Variants in IL17RA observed in about 807,000 individuals in gnomAD.
IL17RA encodes the protein interleukin 17 receptor A.
In IL17RA, 34 loss-of-function variants were observed where a neutral mutation model predicts 50.4. That is an observed-to-expected ratio of 0.67 (90% CI 0.51 to 0.90). The LOEUF is 0.90. Ranked by LOEUF, IL17RA falls within the 40% of genes least tolerant of loss-of-function variation. The pLI is 0.00. For synonymous variants in IL17RA, 585 were observed against 510.4 expected, an observed-to-expected ratio of 1.15 and a Z score of -1.97; for missense variants, 1,276 against 1,169.8, an observed-to-expected ratio of 1.09 and a Z score of -1.32.
At chr22:17,106,625 T>C (rs2241048) in intron 11 of IL17RA, among the ~76,000 whole-genome samples, 124,772 of 152,208 alleles carry the variant, frequency 0.82, 51,464 homozygotes, top group African/African-American at 0.91. Flanking sequence ...CGGTTGGGGC[T>C]TCAGCCCTTG....
At chr22:17,098,271 A>T (rs1468172679) in intron 3 of IL17RA, among the ~76,000 whole-genome samples, 2 of 152,226 alleles carry the variant, frequency 1.3e-5, no homozygotes, top group African/African-American at 4.8e-5. Context: ...ACATTTGTCA[A>T]CCTGTTCCCT....
At chr22:17,104,285 C>G in intron 8 of IL17RA, among the ~76,000 whole-genome samples, 1 of 73,542 alleles carries the variant, frequency 1.4e-5, no homozygotes, top group African/African-American at 5.7e-5. Flanking sequence ...TGTGGTGTGG[C>G]TGGAGTGGGG....
chr22:17,092,059 C>T (rs1004585491), intron 1 of IL17RA, among the ~76,000 whole-genome samples: 4 of 152,094 alleles, frequency 2.6e-5, no homozygotes, highest in African/African-American at 4.8e-5. Flanking sequence ...ACGTTTAGCC[C>T]CACCCCTTTA....
rs1255358518 is a variant in IL17RA at position 17,114,323 on chromosome 22, G to T, written c.*4503G>T. 1 of 152,240 alleles carries T rather than the reference G, an allele frequency of 6.6e-6. No homozygotes were observed. Among genetic ancestry groups the T allele is most frequent in the Non-Finnish European group, 1.5e-5 (1 of 68,124 alleles). 9.4% of individuals were successfully genotyped at this position (152,240 alleles called of 1,614,324 possible). On this transcript the variant is annotated 3_prime_UTR_variant, in exon 13 of 13. Transcript: ENST00000319363. ...ATCGCCTCTCCCAGATCCTAGCACT[G>T]GGTCCACACTCTCGCCCTGTCCATT...
chr22:17,097,175 C>A, intron 2 of IL17RA, 89 bp downstream of exon 2: 1 of 1,281,176 alleles, frequency 7.8e-7, no homozygotes, highest in Non-Finnish European at 1.1e-6. Context: ...CTTGCCATGC[C>A]ACTCCAGGTT....
In IL17RA at chr22:17,109,432, ACCT is replaced by A. The variant is rs759229877; in HGVS notation, c.2217_2219del (p.Leu740del). ...AGCAGCACCCCCATGGCGTCTCCTG[ACCT>A]CCTTCCAGAGGACGTGAGGGAGCAC... On this transcript the variant is annotated inframe_deletion, in exon 13 of 13. Coordinates refer to ENST00000319363, the MANE Select transcript of IL17RA (RefSeq NM_014339.7). 50 of 1,613,236 alleles carry A rather than the reference ACCT, an allele frequency of 3.1e-5. No individual in the cohort carries two copies. Among genetic ancestry groups the A allele is most frequent in the Non-Finnish European group, 3.9e-5 (46 of 1,179,940 alleles).
Position 17,114,509 on chromosome 22 carries a change from TATAAG to T in IL17RA, c.*4692_*4696del, listed in dbSNP as rs1455096923. 6.6e-6 allele frequency: 1 copy of T among 152,200 alleles called. No homozygotes were observed. The highest frequency in any genetic ancestry group is 1.5e-5 in the Non-Finnish European group (1 of 68,048). 9.4% of individuals were successfully genotyped at this position (152,200 alleles called of 1,614,324 possible). A position where few individuals can be genotyped will look rare whatever the true frequency, so the allele number is the denominator to read the frequency against. Reference sequence around the variant, plus strand: ...AGGAATAACCCCTTAGGTCATTGACTATAAGATGAGTTCGCTCACTGGATCCTTCC... The same window carrying T: ...AGGAATAACCCCTTAGGTCATTGACTATGAGTTCGCTCACTGGATCCTTCC... On this transcript the variant is annotated 3_prime_UTR_variant, in exon 13 of 13. Transcript: ENST00000319363.
intron 1 of IL17RA, among the ~76,000 whole-genome samples, chr22:17,085,439 G>C (rs2061323709): frequency 6.6e-6 from 1 of 152,258 alleles, no homozygotes; most frequent in South Asian, 2.1e-4. Flanking sequence ...TGGAATACGG[G>C]GGGGGTGGGT....
rs2061360235 is a variant in IL17RA at position 17,094,669 on chromosome 22, C to CTATATATATATA, written c.139-2392_139-2391insATATATATATAT. Among the ~76,000 whole-genome samples the CTATATATATATA allele has an allele frequency of 6.6e-3, 160 of 24,220 alleles. 11 individuals carry two copies. Among genetic ancestry groups the CTATATATATATA allele is most frequent in the South Asian group, 0.016 (16 of 978 alleles). The allele number at this position is 24,220 out of a possible 152,430, so 15.9% of individuals were successfully genotyped here. ...AGTCATACACACACTCTCTCTCTCT[C>CTATATATATATA]TCTCTCTCTCTCTCTCTCTCTCTAT... On this transcript the variant is annotated intron_variant, in intron 1 of 12. Transcript: ENST00000319363.
intron 1 of IL17RA, chr22:17,093,790 G>A (rs939315106): frequency 5.5e-6 from 1 of 182,060 alleles, no homozygotes; most frequent in South Asian, 1.3e-4. Context: ...GTTGAGCCTG[G>A]TGTTAGCATA....
In IL17RA at chr22:17,103,502, A is replaced by T; in HGVS notation, c.771A>T (p.Pro257=). 6.2e-7 allele frequency: 1 copy of T among 1,613,952 alleles called. No individual in the cohort carries two copies. The highest frequency in any genetic ancestry group is 8.5e-7 in the Non-Finnish European group (1 of 1,179,904). ...EHMHHIPAPR[P]EEFHQRSNVT... is the part of the protein sequence containing the mutation. ...CTCGCCTCTCTCCTCAGCCCAGACC[A>T]GAAGAGTTCCACCAGCGATCCAACG... Residue 257 remains proline (P), a synonymous_variant, in exon 8 of 13, where the codon CCA becomes CCT. Transcript: ENST00000319363.
In IL17RA at chr22:17,115,055, A is replaced by C. The variant is rs2061461814; in HGVS notation, c.*5235A>C. On this transcript the variant is annotated 3_prime_UTR_variant, in exon 13 of 13. Transcript: ENST00000319363. Reference sequence around the variant, plus strand: ...CCTAGGTGTGGGCTGGGCATTGCCTACACGTGAAGAGATCACTCCGCGTCC... The same window carrying C: ...CCTAGGTGTGGGCTGGGCATTGCCTCCACGTGAAGAGATCACTCCGCGTCC... 1 of 152,278 alleles carries C rather than the reference A, an allele frequency of 6.6e-6. No homozygotes were observed. Among genetic ancestry groups the C allele is most frequent in the Admixed American group, 6.5e-5 (1 of 15,286 alleles). 9.4% of individuals were successfully genotyped at this position (152,278 alleles called of 1,614,324 possible). A position where few individuals can be genotyped will look rare whatever the true frequency, so the allele number is the denominator to read the frequency against.
chr22:17,100,227 G>A (rs1479331627), intron 4 of IL17RA, 128 bp from the exon 5 acceptor site: 1 of 1,120,240 alleles, frequency 8.9e-7, no homozygotes. Context: ...GGATTTTGCT[G>A]TGGTTGTTGC....
chr22:17,109,549 A>T lies in IL17RA; in HGVS notation c.2330A>T (p.Asp777Val), dbSNP rs544657320. 6.2e-7 allele frequency: 1 copy of T among 1,600,184 alleles called. No individual in the cohort carries two copies. The highest frequency in any genetic ancestry group is 1.3e-5 in the African/African-American group (1 of 74,632). The stretch of plus-strand genomic sequence containing the variant: ...AGTAGACCCGCCATGGTCCTCACAG[A>T]CCCACACACGCCCTACGAGGAGGAG... Reference protein sequence around the residue: ...GCSRPAMVLTDPHTPYEEEQR... With the variant: ...GCSRPAMVLTVPHTPYEEEQR... Residue 777 changes from aspartate to valine, a missense_variant, in exon 13 of 13, where the codon GAC (aspartate) becomes GTC (valine). Coordinates refer to ENST00000319363, the MANE Select transcript of IL17RA (RefSeq NM_014339.7).
chr22:17,109,219 C>A lies in IL17RA; in HGVS notation c.2000C>A (p.Thr667Asn). The A allele has an allele frequency of 1.3e-6, 2 of 1,497,812 alleles. No homozygotes were observed. Among genetic ancestry groups the A allele is most frequent in the Non-Finnish European group, 1.8e-6 (2 of 1,129,196 alleles). The allele number at this position is 1,497,812 out of a possible 1,614,324, so 92.8% of individuals were successfully genotyped here. A position where few individuals can be genotyped will look rare whatever the true frequency, so the allele number is the denominator to read the frequency against. ...CAGCCAGCGCCGCAGCCCCTCCACA[C>A]CCTGGTGCTCGCCGCAGAGGAGGGG... ...RGQPAPQPLHTLVLAAEEGAL... is the reference protein window; with the variant it reads ...RGQPAPQPLHNLVLAAEEGAL... The change falls in exon 13 of 13, where the codon ACC (threonine) becomes AAC (asparagine). Residue 667 changes from threonine (T) to asparagine (N), a missense_variant. By Grantham distance (65) the Thr-to-Asn change is moderately conservative (BLOSUM62 0). Coordinates refer to ENST00000319363, the MANE Select transcript of IL17RA (RefSeq NM_014339.7).
intron 7 of IL17RA, among the ~76,000 whole-genome samples, chr22:17,102,912 C>G (rs1601344842): frequency 6.6e-6 from 1 of 152,334 alleles, no homozygotes; most frequent in Admixed American, 6.5e-5. Flanking sequence ...GAGGCCAAGG[C>G]AGGTGGATCA....
chr22:17,108,207 C>G (rs1356962878), intron 12 of IL17RA, 100 bp from the exon 13 acceptor site: 1 of 1,254,664 alleles, frequency 8.0e-7, no homozygotes, highest in Non-Finnish European at 1.1e-6. Context: ...GGGAGGGAGC[C>G]AAGCTCTGTG....
Position 17,109,996 on chromosome 22 carries a change from C to T in IL17RA, c.*176C>T, listed in dbSNP as rs1459699438. Reference sequence around the variant, plus strand: ...TCCCTCCTAACTTTTCTTTGTGCAGCGGTCTGGTTATCGTCTATCCCCAGG... The same window carrying T: ...TCCCTCCTAACTTTTCTTTGTGCAGTGGTCTGGTTATCGTCTATCCCCAGG... On this transcript the variant is annotated 3_prime_UTR_variant, in exon 13 of 13. Transcript: ENST00000319363. 5.8e-6 allele frequency: 4 copies of T among 685,084 alleles called. No homozygotes were observed. Among genetic ancestry groups the T allele is most frequent in the East Asian group, 5.5e-5 (2 of 36,606 alleles). 42.4% of individuals were successfully genotyped at this position (685,084 alleles called of 1,614,324 possible).
rs773666876 is a variant in IL17RA, at chr22:17,097,884, A to G, written c.251A>G (p.His84Arg). ...KDLQIQLHFA[H>R]TQQGDLFPVA... Reference sequence around the variant, plus strand: ...CTGCAGATCCAGCTGCACTTTGCCCACACCCAACAAGGAGACCTGTTCCCC... The same window carrying G: ...CTGCAGATCCAGCTGCACTTTGCCCGCACCCAACAAGGAGACCTGTTCCCC... The change falls in exon 3 of 13, where the codon CAC becomes CGC. Residue 84 changes from histidine (H) to arginine (R), a missense_variant. Coordinates refer to ENST00000319363, the MANE Select transcript of IL17RA (RefSeq NM_014339.7). 2 of 1,614,148 alleles carry G rather than the reference A, an allele frequency of 1.2e-6. No homozygotes were observed. The highest frequency in any genetic ancestry group is 3.3e-5 in the Admixed American group (2 of 60,028).
Sources: allele counts gnomAD v4.1 joint callset (sites outside exome capture counted in the v4.1 genomes callset), GRCh38; gene constraint gnomAD v4.1.1; transcripts MANE v1.5; gene names NCBI Gene and HGNC (gene_info 2026-07-23, HGNC 2026-07-21).